Variants in TBC1D12 observed in about 807,000 individuals in gnomAD.
The protein encoded by TBC1D12 is TBC1 domain family member 12, also known as TBC1 domain family, member 12.
Under a neutral mutation model 86.7 loss-of-function variants are expected in TBC1D12, and 56 were observed. The observed-to-expected ratio is 0.65, with a 90% CI of 0.52 to 0.81. The LOEUF (loss-of-function observed/expected upper bound fraction) is 0.81. Among genes scored for constraint, TBC1D12 ranks in the 30% least tolerant of loss-of-function variants. The probability of loss-of-function intolerance (pLI) is 0.00; values close to 1 mark genes in which losing one functional copy is unlikely to be tolerated. For missense variants in TBC1D12, 1,023 were observed against 1,038.8 expected (o/e 0.98, Z 0.21); for synonymous variants, 421 against 411.7 (o/e 1.02, Z -0.27).
intron 2 of TBC1D12, among the ~76,000 whole-genome samples, chr10:94,451,090 A>T (rs2055542996): frequency 6.6e-6 from 1 of 152,024 alleles, no homozygotes; most frequent in African/African-American, 2.4e-5. Flanking sequence ...TTATAGCTAG[A>T]TAGAAGGAAT....
chr10:94,458,856 G>A (rs2055672790), intron 2 of TBC1D12, among the ~76,000 whole-genome samples: 1 of 152,148 alleles, frequency 6.6e-6, no homozygotes, highest in African/African-American at 2.4e-5. Context: ...GCCTTCAGGA[G>A]TGAAGCTGCA....
At position 94,483,138 on chromosome 10, in the gene TBC1D12, C is replaced by T. The variant is rs146892514; in HGVS notation, c.1211+8355C>T. ...CACTGCAGCCTCCACCTCCCTTGAA[C>T]CACATTTTCTTTACCCACTCATCTG... On this transcript the variant is annotated intron_variant, in intron 3 of 12. Coordinates refer to ENST00000225235, the MANE Select transcript of TBC1D12 (RefSeq NM_015188.2). 4.9e-4 allele frequency among the ~76,000 whole-genome samples: 73 copies of T among 149,422 alleles called. No homozygotes were observed. The East Asian group carries it at 0.013, about 27-fold the overall frequency.
Position 94,535,153 on chromosome 10 carries a change from G to A in TBC1D12, c.*2057G>A, listed in dbSNP as rs1409636162. 2 of 152,016 alleles carry A rather than the reference G, an allele frequency of 1.3e-5. No homozygotes were observed. Among genetic ancestry groups the A allele is most frequent in the Non-Finnish European group, 2.9e-5 (2 of 68,002 alleles). The allele number at this position is 152,016 out of a possible 1,614,324, so 9.4% of individuals were successfully genotyped here. A position where few individuals can be genotyped will look rare whatever the true frequency, so the allele number is the denominator to read the frequency against. ...TCCAAGAGTGAATGCATTGGCTTTC[G>A]GAACTGCTACTAGAGACATACATGA... On this transcript the variant is annotated 3_prime_UTR_variant, in exon 13 of 13. Coordinates refer to ENST00000225235, the MANE Select transcript of TBC1D12 (RefSeq NM_015188.2).
At chr10:94,432,586 A>C (rs1393360938) in intron 1 of TBC1D12, among the ~76,000 whole-genome samples, 1 of 152,184 alleles carries the variant, frequency 6.6e-6, no homozygotes, top group Non-Finnish European at 1.5e-5. Context: ...TTTCTTAGCA[A>C]CTGGATACCT....
chr10:94,521,656 A>C (rs1206947145), intron 9 of TBC1D12, among the ~76,000 whole-genome samples: 4 of 152,180 alleles, frequency 2.6e-5, no homozygotes, highest in African/African-American at 9.6e-5. Context: ...ATTCAGACTG[A>C]GAGGAAATGA....
intron 1 of TBC1D12, among the ~76,000 whole-genome samples, chr10:94,419,132 C>G (rs932544740): frequency 2.0e-5 from 3 of 152,134 alleles, no homozygotes; most frequent in Non-Finnish European, 4.4e-5. Flanking sequence ...CTCGGCCTCC[C>G]GAAGTGCTGG....
intron 9 of TBC1D12, among the ~76,000 whole-genome samples, chr10:94,520,566 AT>A (rs1274876106): frequency 6.6e-6 from 1 of 151,958 alleles, no homozygotes; most frequent in African/African-American, 2.4e-5. Flanking sequence ...AAATAAAAAA[AT>A]AAAAGAAAAG....
chr10:94,465,678 G>GTC (rs2055798836), intron 2 of TBC1D12, among the ~76,000 whole-genome samples: 2 of 128,332 alleles, frequency 1.6e-5, no homozygotes, highest in African/African-American at 5.6e-5. Flanking sequence ...ATATGTGTGT[G>GTC]TGTGTGTGTG....
At chr10:94,421,111 A>G (rs2055067562) in intron 1 of TBC1D12, among the ~76,000 whole-genome samples, 1 of 152,058 alleles carries the variant, frequency 6.6e-6, no homozygotes, top group Non-Finnish European at 1.5e-5. Flanking sequence ...ACTGAAACCC[A>G]TTTTGTACCC....
chr10:94,507,232 T>A (rs2056470606), intron 6 of TBC1D12, 35 bp from the exon 7 acceptor site: 1 of 1,580,806 alleles, frequency 6.3e-7, no homozygotes, highest in Admixed American at 1.8e-5. Context: ...TCTTTCCTAT[T>A]ATTCATACAT....
Position 94,497,111 on chromosome 10 carries a change from G to A in TBC1D12, c.1351G>A (p.Glu451Lys). The change falls in exon 5 of 13, where the codon GAA becomes AAA. Residue 451 changes from glutamate to lysine, a missense_variant. Coordinates refer to ENST00000225235, the MANE Select transcript of TBC1D12 (RefSeq NM_015188.2). ...CATGAAAGAACGATTTAAGCAGGAA[G>A]AAAATATTGCAAGTGCAATGGTAAT... Reference protein sequence around the residue: ...RIMKERFKQEENIASAMVIWI... With the variant: ...RIMKERFKQEKNIASAMVIWI... 1 of 1,567,404 alleles carries A rather than the reference G, an allele frequency of 6.4e-7. No homozygotes were observed. The highest frequency in any genetic ancestry group is 8.6e-7 in the Non-Finnish European group (1 of 1,163,904).
At chr10:94,484,471 C>T (rs1589649605) in intron 3 of TBC1D12, among the ~76,000 whole-genome samples, 2 of 152,036 alleles carry the variant, frequency 1.3e-5, no homozygotes, top group East Asian at 3.9e-4. Context: ...AACTCCCAGC[C>T]TCAGGTGATC....
intron 12 of TBC1D12, 38 bp from the exon 13 acceptor site, chr10:94,532,989 AG>A: frequency 8.7e-7 from 1 of 1,154,630 alleles, no homozygotes; most frequent in South Asian, 1.4e-5. Flanking sequence ...TCTGGGTGGT[AG>A]TTTTTGAGGA....
At chr10:94,460,838 A>G (rs7905366) in intron 2 of TBC1D12, among the ~76,000 whole-genome samples, 134 of 152,136 alleles carry the variant, frequency 8.8e-4, no homozygotes, top group African/African-American at 3.1e-3. Context: ...TCAAGTTCAG[A>G]GATTCTGTCT....
chr10:94,402,552 C>CCT lies in TBC1D12; in HGVS notation c.-62_-61insCT. 1 of 1,580,496 alleles carries CCT rather than the reference C, an allele frequency of 6.3e-7. No individual in the cohort carries two copies. Among genetic ancestry groups the CCT allele is most frequent in the Non-Finnish European group, 8.6e-7 (1 of 1,163,278 alleles). ...CGGCCCCAGCACCCAGAGCTGTTCT[C>CCT]TGGCCAAGCCTGCGCCTGTAGTCCT... On this transcript the variant is annotated 5_prime_UTR_variant, in exon 1 of 13. Coordinates refer to ENST00000225235, the MANE Select transcript of TBC1D12 (RefSeq NM_015188.2).
At chr10:94,505,563 A>G (rs1402691394) in intron 6 of TBC1D12, among the ~76,000 whole-genome samples, 1 of 152,046 alleles carries the variant, frequency 6.6e-6, no homozygotes, top group African/African-American at 2.4e-5. Flanking sequence ...ACAGAGAAAG[A>G]CCCTGTCTCA....
intron 9 of TBC1D12, among the ~76,000 whole-genome samples, chr10:94,515,143 G>A (rs1334188447): frequency 1.3e-5 from 2 of 151,056 alleles, no homozygotes; most frequent in East Asian, 2.0e-4. Context: ...TCCTGACCTC[G>A]TGATCCGCCC....
At chr10:94,528,012 C>G (rs1484708846) in intron 11 of TBC1D12, among the ~76,000 whole-genome samples, 2 of 151,566 alleles carry the variant, frequency 1.3e-5, no homozygotes, top group Non-Finnish European at 2.9e-5. Context: ...AGTCTAATGC[C>G]TCCAGCTTTT....
chr10:94,481,045 C>CTTTTTTTT (rs769709070), intron 3 of TBC1D12, among the ~76,000 whole-genome samples: 1 of 126,980 alleles, frequency 7.9e-6, no homozygotes, highest in African/African-American at 2.9e-5. Flanking sequence ...TGAAAGGAAT[C>CTTTTTTTT]TTTTTTTTTT....
Sources: gnomAD v4.1 joint callset for allele counts (sites outside exome capture counted in the v4.1 genomes callset) on GRCh38, gnomAD v4.1.1 for gene constraint, MANE v1.5 for transcripts, NCBI Gene and HGNC (gene_info 2026-07-23, HGNC 2026-07-21) for gene names.